Variants in C9 observed in about 807,000 individuals in gnomAD.
The protein encoded by C9 is complement C9.
Under a neutral mutation model 65.4 loss-of-function variants are expected in C9, and 63 were observed. The ratio of observed to expected loss-of-function variants is 0.96; its 90% CI spans 0.79 to 1.19. The LOEUF (loss-of-function observed/expected upper bound fraction) is 1.19. Ranked by LOEUF, C9 falls within the 50% of genes most tolerant of loss-of-function variation. The pLI is 0.00. For synonymous variants in C9, 229 were observed against 227.9 expected, an observed-to-expected ratio of 1.00 and a Z score of -0.04; for missense variants, 744 against 670.1, an observed-to-expected ratio of 1.11 and a Z score of -1.22.
In C9 at chr5:39,341,054, C is replaced by G. The variant is rs1045591769; in HGVS notation, c.476+92G>C. The G allele has an allele frequency of 3.2e-5, 45 of 1,403,840 alleles. No homozygotes were observed. The South Asian group carries it at 4.7e-4, about 15-fold the overall frequency. 87.0% of individuals were successfully genotyped at this position (1,403,840 alleles called of 1,614,324 possible). A position where few individuals can be genotyped will look rare whatever the true frequency, so the allele number is the denominator to read the frequency against. ...CATCAGCTGTATCACCTATGTCCCT[C>G]GCACAAATGCTTCTACCAGTCTATC... On this transcript the variant is annotated intron_variant, in intron 4 of 10. Coordinates refer to ENST00000263408, the MANE Select transcript of C9 (RefSeq NM_001737.5).
At position 39,302,941 on chromosome 5, in the gene C9, G is replaced by A. The variant is rs138726989; in HGVS notation, c.1416+3676C>T. On this transcript the variant is annotated intron_variant, in intron 9 of 10. Transcript: ENST00000263408. ...ATATTTCTTATGAGTCTCATAAAGA[G>A]GACACAGCATTACATAACAACCTTT... Among the ~76,000 whole-genome samples, 122 of 152,148 alleles carry A rather than the reference G, an allele frequency of 8.0e-4. 1 individual carries two copies. Among genetic ancestry groups the A allele is most frequent in the African/African-American group, 2.8e-3 (116 of 41,494 alleles).
At chr5:39,347,207 A>T (rs1754214334) in intron 1 of C9, among the ~76,000 whole-genome samples, 1 of 152,204 alleles carries the variant, frequency 6.6e-6, no homozygotes. Flanking sequence ...AAGGGTATTC[A>T]ATTAGGAAAA....
At chr5:39,334,031 C>A (rs1453959797) in intron 4 of C9, among the ~76,000 whole-genome samples, 1 of 151,638 alleles carries the variant, frequency 6.6e-6, no homozygotes, top group African/African-American at 2.4e-5. Context: ...GCCCGGCCGC[C>A]ACCCCGTCTG....
At chr5:39,358,803 G>A (rs949871976) in intron 1 of C9, among the ~76,000 whole-genome samples, 4 of 151,510 alleles carry the variant, frequency 2.6e-5, no homozygotes, top group African/African-American at 9.7e-5. Flanking sequence ...GGCTAAAACG[G>A]TGAAACCCTG....
At chr5:39,326,225 G>A (rs1444891811) in intron 5 of C9, among the ~76,000 whole-genome samples, 1 of 152,166 alleles carries the variant, frequency 6.6e-6, no homozygotes, top group East Asian at 1.9e-4. Context: ...TAACTAAGTT[G>A]CCTAAATTCA....
intron 4 of C9, among the ~76,000 whole-genome samples, chr5:39,335,195 T>A (rs889979672): frequency 2.0e-5 from 3 of 152,192 alleles, no homozygotes; most frequent in African/African-American, 7.2e-5. Flanking sequence ...CTCTTTATTT[T>A]CAGTGAACAA....
At chr5:39,353,222 CT>C (rs1161052530) in intron 1 of C9, among the ~76,000 whole-genome samples, 1 of 152,212 alleles carries the variant, frequency 6.6e-6, no homozygotes, top group Admixed American at 6.5e-5. Context: ...GAATCTGGCC[CT>C]GCCAACACCT....
In C9 at chr5:39,311,235, A is replaced by G. The variant is rs1561338605; in HGVS notation, c.1013T>C (p.Phe338Ser). The change falls in exon 7 of 11, where the codon TTT (phenylalanine) becomes TCT (serine). Residue 338 changes from phenylalanine (F) to serine (S), a missense_variant. Transcript: ENST00000263408. ...TTYEKGEYFA[F>S]LETYGTHYSS... Reference sequence around the variant, plus strand: ...GTAGTGAGTTCCATAGGTTTCCAAAAAGGCAAAATATTCTCCCTTTTCATA... The same window carrying G: ...GTAGTGAGTTCCATAGGTTTCCAAAGAGGCAAAATATTCTCCCTTTTCATA... The G allele has an allele frequency of 1.2e-6, 2 of 1,613,838 alleles. No individual in the cohort carries two copies. The highest frequency in any genetic ancestry group is 1.7e-6 in the Non-Finnish European group (2 of 1,179,770).
intron 6 of C9, among the ~76,000 whole-genome samples, chr5:39,315,285 A>G (rs1753550588): frequency 2.0e-5 from 3 of 152,188 alleles, no homozygotes; most frequent in Admixed American, 6.5e-5. Flanking sequence ...AATCTGGTTC[A>G]AATATTTTAA....
intron 6 of C9, among the ~76,000 whole-genome samples, chr5:39,314,862 A>C (rs572333317): frequency 2.0e-5 from 3 of 152,098 alleles, no homozygotes; most frequent in African/African-American, 7.2e-5. Context: ...TAAATACCAT[A>C]TTACTTCTTT....
At chr5:39,362,788 G>T (rs1302017103) in intron 1 of C9, among the ~76,000 whole-genome samples, 1 of 152,082 alleles carries the variant, frequency 6.6e-6, no homozygotes, top group Non-Finnish European at 1.5e-5. Flanking sequence ...ATGACTGAGG[G>T]CTCTGAACAC....
chr5:39,302,354 G>A (rs1753301208), intron 9 of C9, among the ~76,000 whole-genome samples: 1 of 152,026 alleles, frequency 6.6e-6, no homozygotes, highest in African/African-American at 2.4e-5. Context: ...CATAAAAGTG[G>A]TAAAGTATAA....
chr5:39,304,893 G>A (rs1753346377), intron 9 of C9, among the ~76,000 whole-genome samples: 1 of 152,148 alleles, frequency 6.6e-6, no homozygotes, highest in African/African-American at 2.4e-5. Context: ...AATAAATCTA[G>A]TAGTAAATCT....
intron 4 of C9, among the ~76,000 whole-genome samples, chr5:39,338,061 G>C (rs547751245): frequency 6.6e-6 from 1 of 152,284 alleles, no homozygotes; most frequent in African/African-American, 2.4e-5. Flanking sequence ...TTTGTAGTGA[G>C]TAAACATGCA....
chr5:39,312,082 G>A (rs1579850843), intron 6 of C9, among the ~76,000 whole-genome samples: 1 of 152,218 alleles, frequency 6.6e-6, no homozygotes, highest in East Asian at 1.9e-4. Flanking sequence ...AGAAGCCTGA[G>A]TGTCTCTTCA....
chr5:39,339,439 T>G (rs1175967963), intron 4 of C9, among the ~76,000 whole-genome samples: 1 of 152,144 alleles, frequency 6.6e-6, no homozygotes, highest in Non-Finnish European at 1.5e-5. Context: ...GACATCTCCT[T>G]CATTAGCTAA....
intron 9 of C9, among the ~76,000 whole-genome samples, chr5:39,295,309 T>C (rs909957314): frequency 1.3e-5 from 2 of 151,770 alleles, no homozygotes; most frequent in African/African-American, 4.8e-5. Context: ...TAGAAAATCC[T>C]AAAGACTTTA....
chr5:39,308,629 A>T (rs1369920194), intron 7 of C9, among the ~76,000 whole-genome samples: 1 of 152,184 alleles, frequency 6.6e-6, no homozygotes, highest in Non-Finnish European at 1.5e-5. Context: ...GGTTATAGTA[A>T]AGTCTTTTAT....
At position 39,342,120 on chromosome 5, in the gene C9, A is replaced by G; in HGVS notation, c.154T>C (p.Ser52Pro). 1 of 1,603,902 alleles carries G rather than the reference A, an allele frequency of 6.2e-7. No homozygotes were observed. Among genetic ancestry groups the G allele is most frequent in the Non-Finnish European group, 8.5e-7 (1 of 1,170,656 alleles). ...DCRMSPWSEW[S>P]QCDPCLRQMF... ...TGTCTGAGACAAGGATCGCATTGTG[A>G]CCATTCACTCCAGGGGCTCATTCTG... The change falls in exon 2 of 11, where the codon TCA becomes CCA. Residue 52 changes from serine (S) to proline (P), a missense_variant. By Grantham distance (74) the Ser-to-Pro change is moderately conservative. Transcript: ENST00000263408.
Sources: gnomAD v4.1 joint callset for allele counts (sites outside exome capture counted in the v4.1 genomes callset) on GRCh38, gnomAD v4.1.1 for gene constraint, MANE v1.5 for transcripts, NCBI Gene and HGNC (gene_info 2026-07-23, HGNC 2026-07-21) for gene names.